Variants in JMJD1C observed in about 807,000 individuals in gnomAD.
JMJD1C encodes the protein jumonji domain-containing protein 1C.
In JMJD1C, 31 loss-of-function variants were observed where a neutral mutation model predicts 245.3. The ratio of observed to expected loss-of-function variants is 0.13; its 90% CI spans 0.09 to 0.17. JMJD1C has a LOEUF of 0.17. Ranked by LOEUF, JMJD1C falls within the 10% of genes least tolerant of loss-of-function variation. JMJD1C has a pLI of 1.00. For synonymous variants in JMJD1C, 1,057 were observed against 1,017.4 expected (o/e 1.04, Z -0.74); for missense variants, 2,691 against 3,000.2 (o/e 0.90, Z 2.41).
intron 1 of JMJD1C, among the ~76,000 whole-genome samples, chr10:63,459,524 A>G (rs942838722): frequency 7.2e-5 from 11 of 152,224 alleles, no homozygotes; most frequent in Admixed American, 7.2e-4. Flanking sequence ...GTAAATATTT[A>G]GAAAGTTAGA....
chr10:63,308,846 A>G (rs1181713801), intron 2 of JMJD1C, among the ~76,000 whole-genome samples: 2 of 151,886 alleles, frequency 1.3e-5, no homozygotes, highest in African/African-American at 2.4e-5. Context: ...ATAAGTTGCC[A>G]GATTGAAAGG....
chr10:63,173,376 C>T (rs1842570113), intron 24 of JMJD1C, among the ~76,000 whole-genome samples: 3 of 152,104 alleles, frequency 2.0e-5, no homozygotes. Flanking sequence ...TTTGTAGATA[C>T]TATGAAAATA....
At chr10:63,380,579 A>T in intron 1 of JMJD1C, 97 bp from the exon 2 acceptor site, 1 of 903,234 alleles carries the variant, frequency 1.1e-6, no homozygotes, top group South Asian at 1.7e-5. Flanking sequence ...TATGGGGTAC[A>T]TATGATATCG....
At chr10:63,246,165 T>C (rs1395755966) in intron 3 of JMJD1C, among the ~76,000 whole-genome samples, 1 of 152,052 alleles carries the variant, frequency 6.6e-6, no homozygotes, top group Non-Finnish European at 1.5e-5. Flanking sequence ...AAAGCAATAA[T>C]AACAGAAAAC....
chr10:63,456,128 T>C (rs1952395671), intron 1 of JMJD1C, among the ~76,000 whole-genome samples: 1 of 152,104 alleles, frequency 6.6e-6, no homozygotes, highest in Non-Finnish European at 1.5e-5. Context: ...TTAATTCACA[T>C]GAACAATGTA....
intron 2 of JMJD1C, among the ~76,000 whole-genome samples, chr10:63,335,489 G>A (rs1486617275): frequency 6.6e-6 from 1 of 152,132 alleles, no homozygotes; most frequent in Non-Finnish European, 1.5e-5. Context: ...TCACTGCAAT[G>A]TGCAATCTGA....
At chr10:63,430,976 G>A (rs999303406) in intron 1 of JMJD1C, among the ~76,000 whole-genome samples, 1 of 152,018 alleles carries the variant, frequency 6.6e-6, no homozygotes, top group African/African-American at 2.4e-5. Flanking sequence ...CTCCCACCTC[G>A]CTTCCCAAAG....
intron 1 of JMJD1C, among the ~76,000 whole-genome samples, chr10:63,396,977 T>C (rs1948541510): frequency 6.6e-6 from 1 of 150,558 alleles, no homozygotes; most frequent in African/African-American, 2.4e-5. Context: ...TTGTCTAAGC[T>C]GGAGTTAAGT....
chr10:63,362,138 G>C (rs1439309702), intron 2 of JMJD1C, among the ~76,000 whole-genome samples: 1 of 151,768 alleles, frequency 6.6e-6, no homozygotes, highest in Non-Finnish European at 1.5e-5. Flanking sequence ...GGGGTGCTGA[G>C]GCAGGAGGAT....
intron 2 of JMJD1C, among the ~76,000 whole-genome samples, chr10:63,339,448 A>T (rs544581755): frequency 7.9e-5 from 12 of 152,086 alleles, no homozygotes; most frequent in Non-Finnish European, 1.6e-4. Context: ...GCAGGCTGAG[A>T]TAATGACTAG....
chr10:63,201,825 G>C (rs1846042829), intron 10 of JMJD1C, among the ~76,000 whole-genome samples: 1 of 151,922 alleles, frequency 6.6e-6, no homozygotes, highest in African/African-American at 2.4e-5. Context: ...AGCTACTCGG[G>C]AGGCTGAGGC....
At chr10:63,236,296 A>C (rs896893219) in intron 3 of JMJD1C, among the ~76,000 whole-genome samples, 10 of 152,170 alleles carry the variant, frequency 6.6e-5, no homozygotes, top group African/African-American at 2.4e-4. Context: ...CCTGCATTTT[A>C]ACTACAATTT....
rs754461363 is a variant in JMJD1C at position 63,281,131 on chromosome 10, C to CTTT, written c.334-16370_334-16368dup. Among the ~76,000 whole-genome samples the CTTT allele has an allele frequency of 8.9e-4, 110 of 122,982 alleles. 1 individual carries two copies. The highest frequency in any genetic ancestry group is 2.7e-3 in the African/African-American group (85 of 30,968). The allele number at this position is 122,982 out of a possible 152,430, so 80.7% of individuals were successfully genotyped here. A position where few individuals can be genotyped will look rare whatever the true frequency, so the allele number is the denominator to read the frequency against. ...ACAGGCGTGAGCCACCACACCCGGC[C>CTTT]TTTTTTTTTTTTTTTTTGAGATGGA... On this transcript the variant is annotated intron_variant, in intron 2 of 25. Coordinates refer to ENST00000399262, the MANE Select transcript of JMJD1C (RefSeq NM_032776.3).
At chr10:63,192,177 G>C (rs1395155650) in intron 16 of JMJD1C, among the ~76,000 whole-genome samples, 1 of 149,756 alleles carries the variant, frequency 6.7e-6, no homozygotes, top group East Asian at 2.0e-4. Flanking sequence ...CCAGTACTCT[G>C]GGAAGACGAG....
intron 1 of JMJD1C, among the ~76,000 whole-genome samples, chr10:63,392,596 G>T (rs766292196): frequency 6.6e-6 from 1 of 151,972 alleles, no homozygotes; most frequent in African/African-American, 2.4e-5. Context: ...GGAGGCCGAG[G>T]TGGGTGGATC....
In JMJD1C at chr10:63,341,057, A is replaced by G. The variant is rs534098221; in HGVS notation, c.333+39261T>C. ...AAAATGAAGATTTCAACTGTGTATT[A>G]AAAGAATGAATCCAACAGTGTCACA... On this transcript the variant is annotated intron_variant, in intron 2 of 25. Transcript: ENST00000399262. Among the ~76,000 whole-genome samples the G allele has an allele frequency of 3.9e-5, 6 of 152,362 alleles. No individual in the cohort carries two copies. The South Asian group carries it at 1.2e-3, about 32-fold the overall frequency.
intron 21 of JMJD1C, 61 bp downstream of exon 21, chr10:63,184,547 G>A: frequency 6.7e-7 from 1 of 1,484,266 alleles, no homozygotes; most frequent in Non-Finnish European, 9.1e-7. Flanking sequence ...CCCGGCCTGA[G>A]CAAAAATTTT....
chr10:63,419,769 ATAGT>A (rs1273844527), intron 1 of JMJD1C, among the ~76,000 whole-genome samples: 1 of 149,904 alleles, frequency 6.7e-6, no homozygotes, highest in East Asian at 2.0e-4. Context: ...TAAGAAAAGG[ATAGT>A]TAATCAGACA....
chr10:63,262,814 G>C (rs1854955339), intron 3 of JMJD1C, among the ~76,000 whole-genome samples: 1 of 41,742 alleles, frequency 2.4e-5, no homozygotes, highest in African/African-American at 2.4e-4. Context: ...TTTAAAAAAA[G>C]TTAGGGTACC....
Sources: gnomAD v4.1 joint callset for allele counts (sites outside exome capture counted in the v4.1 genomes callset) on GRCh38, gnomAD v4.1.1 for gene constraint, MANE v1.5 for transcripts, NCBI Gene and HGNC (gene_info 2026-07-23, HGNC 2026-07-21) for gene names.